The following CBX5 variants were observed in gnomAD, a reference collection of about 807,000 sequenced individuals.
The protein encoded by CBX5 is chromobox protein homolog 5.
Under a neutral mutation model 20.7 loss-of-function variants are expected in CBX5, and 7 were observed. The observed-to-expected ratio is 0.34, with a 90% confidence interval of 0.19 to 0.63. CBX5 has a LOEUF of 0.63. CBX5 is among the 30% of genes least tolerant of loss of function. The pLI is 0.75. For missense variants in CBX5, 110 were observed against 224.1 expected, an observed-to-expected ratio of 0.49 and a Z score of 3.25; for synonymous variants, 78 against 77.0, an observed-to-expected ratio of 1.01 and a Z score of -0.07.
rs1592153280 is a variant in CBX5, at chr12:54,241,696, G to A, written c.*59C>T. On this transcript the variant is annotated 3_prime_UTR_variant, in exon 5 of 5. Coordinates refer to ENST00000209875, the MANE Select transcript of CBX5 (RefSeq NM_012117.3). The stretch of plus-strand genomic sequence containing the variant: ...TAGAAAGGGGTGGGTAGAAAGGAGA[G>A]GAGGCAGGGAGGTGAATGTATTATG... 1 of 1,506,376 alleles carries A rather than the reference G, an allele frequency of 6.6e-7. No individual in the cohort carries two copies. Among genetic ancestry groups the A allele is most frequent in the Non-Finnish European group, 9.0e-7 (1 of 1,109,984 alleles). 93.3% of individuals were successfully genotyped at this position (1,506,376 alleles called of 1,614,324 possible).
intron 1 of CBX5, among the ~76,000 whole-genome samples, chr12:54,261,920 AAATATGTCAGGGCTG>A (rs1488257714): frequency 6.6e-6 from 1 of 152,234 alleles, no homozygotes; most frequent in Non-Finnish European, 1.5e-5. Flanking sequence ...CCTTCTGTAA[AAATATGTCAGGGCTG>A]AATACAACAG....
At chr12:54,274,156 G>A (rs1391743719) in intron 1 of CBX5, 1 of 152,188 alleles carries the variant, frequency 6.6e-6, no homozygotes, top group African/African-American at 2.4e-5. Context: ...ACTAAACATA[G>A]GCAGCAGTTG....
chr12:54,251,362 C>A (rs1208799686), intron 3 of CBX5, among the ~76,000 whole-genome samples: 2 of 149,448 alleles, frequency 1.3e-5, no homozygotes, highest in South Asian at 2.1e-4. Flanking sequence ...ACTAAAAATA[C>A]AAAAAAATTA....
chr12:54,248,691 A>G (rs118191611), intron 3 of CBX5, among the ~76,000 whole-genome samples: 2,723 of 152,330 alleles, frequency 0.018, 55 homozygotes, highest in Non-Finnish European at 0.031. Context: ...TTTGCTACAT[A>G]GGGAGGGAAG....
chr12:54,241,544 A>G lies in CBX5; in HGVS notation c.*211T>C. 2 of 533,692 alleles carry G rather than the reference A, an allele frequency of 3.7e-6. No individual in the cohort carries two copies. The highest frequency in any genetic ancestry group is 6.5e-6 in the Non-Finnish European group (2 of 306,414). The allele number at this position is 533,692 out of a possible 1,614,324, so 33.1% of individuals were successfully genotyped here. On this transcript the variant is annotated 3_prime_UTR_variant, in exon 5 of 5. Coordinates refer to ENST00000209875, the MANE Select transcript of CBX5 (RefSeq NM_012117.3). ...TGTGGGTATTACACTCAGTATGTAA[A>G]TGCCTGGTCTTCACAGAGAGACACT...
rs1943873205 is a variant in CBX5 at position 54,257,555 on chromosome 12, C to T, written c.96G>A (p.Lys32=). The T allele has an allele frequency of 6.2e-7, 1 of 1,614,096 alleles. No individual in the cohort carries two copies. The highest frequency in any genetic ancestry group is 2.2e-5 in the East Asian group (1 of 44,890). ...VEKVLDRRVV[K]GQVEYLLKWK... ...ACTTCAGTAGATATTCCACTTGTCC[C>T]TTAACCACGCGCCTGTCTAGCACCT... Residue 32 remains lysine, a synonymous_variant, in exon 2 of 5, where the codon AAG becomes AAA. Transcript: ENST00000209875.
chr12:54,275,520 C>T (rs1944055526), intron 1 of CBX5, among the ~76,000 whole-genome samples: 1 of 151,696 alleles, frequency 6.6e-6, no homozygotes, highest in Admixed American at 6.6e-5. Flanking sequence ...GGATTACAGG[C>T]ATAAGCCACT....
intron 2 of CBX5, among the ~76,000 whole-genome samples, chr12:54,257,103 C>A (rs1943868722): frequency 6.6e-6 from 1 of 152,084 alleles, no homozygotes; most frequent in Non-Finnish European, 1.5e-5. Flanking sequence ...GGTGATCCAC[C>A]CGCCTCAGCC....
In CBX5 at chr12:54,250,082, C is replaced by T. The variant is rs529480601; in HGVS notation, c.324+1959G>A. ...TACTAAAAATACAAAATTAGCTGGG[C>T]ATGGTGGTGCATGTCTGTAATCCCA... On this transcript the variant is annotated intron_variant, in intron 3 of 4. Coordinates refer to ENST00000209875, the MANE Select transcript of CBX5 (RefSeq NM_012117.3). Among the ~76,000 whole-genome samples the T allele has an allele frequency of 2.6e-5, 4 of 152,024 alleles. No homozygotes were observed. The South Asian group carries it at 8.3e-4, about 32-fold the overall frequency.
intron 1 of CBX5, among the ~76,000 whole-genome samples, chr12:54,265,910 G>A (rs2137027489): frequency 6.6e-6 from 1 of 152,146 alleles, no homozygotes; most frequent in Non-Finnish European, 1.5e-5. Flanking sequence ...AGCCAGGTAA[G>A]GCGGTGCACG....
chr12:54,242,757 C>T (rs1399573482), intron 4 of CBX5, among the ~76,000 whole-genome samples: 2 of 151,752 alleles, frequency 1.3e-5, no homozygotes, highest in African/African-American at 4.8e-5. Context: ...CCTCTAATAC[C>T]AAGTATAACA....
At chr12:54,256,522 T>C (rs1225578097) in intron 2 of CBX5, among the ~76,000 whole-genome samples, 1 of 152,176 alleles carries the variant, frequency 6.6e-6, no homozygotes, top group African/African-American at 2.4e-5. Context: ...ACTGTATCTT[T>C]TAGTGTATTT....
chr12:54,254,085 T>A (rs956184881), intron 2 of CBX5, among the ~76,000 whole-genome samples: 3 of 152,066 alleles, frequency 2.0e-5, no homozygotes, highest in Non-Finnish European at 4.4e-5. Flanking sequence ...AATGTTATGG[T>A]GTTTAAATAA....
chr12:54,245,666 C>T (rs543842527), intron 4 of CBX5, among the ~76,000 whole-genome samples: 32 of 152,274 alleles, frequency 2.1e-4, no homozygotes, highest in African/African-American at 7.2e-4. Flanking sequence ...TGGCACATGC[C>T]TGTAATCCCA....
intron 3 of CBX5, among the ~76,000 whole-genome samples, chr12:54,246,839 C>G (rs1475788357): frequency 2.0e-5 from 3 of 151,096 alleles, no homozygotes; most frequent in Non-Finnish European, 4.4e-5. Context: ...GAGTCAACAT[C>G]TAGGAACTCC....
rs1334058180 is a variant in CBX5 at position 54,234,078 on chromosome 12, G to A, written c.*7677C>T. 1.3e-5 allele frequency: 2 copies of A among 150,984 alleles called. No homozygotes were observed. The highest frequency in any genetic ancestry group is 1.3e-4 in the Admixed American group (2 of 15,046). 9.4% of individuals were successfully genotyped at this position (150,984 alleles called of 1,614,324 possible). A position where few individuals can be genotyped will look rare whatever the true frequency, so the allele number is the denominator to read the frequency against. The stretch of plus-strand genomic sequence containing the variant: ...GCCTATAATCCCAGCTGCTCAGGAG[G>A]CTGAGGCAGAGAACTGCTTGAACCC... On this transcript the variant is annotated 3_prime_UTR_variant, in exon 5 of 5. Coordinates refer to ENST00000209875, the MANE Select transcript of CBX5 (RefSeq NM_012117.3).
chr12:54,268,353 C>A (rs1259254477), intron 1 of CBX5, among the ~76,000 whole-genome samples: 2 of 152,096 alleles, frequency 1.3e-5, no homozygotes, highest in Non-Finnish European at 2.9e-5. Context: ...AGTTACTATG[C>A]CACAATATCA....
At chr12:54,262,573 T>C (rs1413557078) in intron 1 of CBX5, 1 of 152,820 alleles carries the variant, frequency 6.5e-6, no homozygotes, top group Non-Finnish European at 1.5e-5. Context: ...ATAGTTCTGA[T>C]GGAATGTGTC....
chr12:54,277,262 G>A (rs1944078691), intron 1 of CBX5: 2 of 152,264 alleles, frequency 1.3e-5, no homozygotes, highest in African/African-American at 4.8e-5. Flanking sequence ...GGAGTGCAGT[G>A]GCGCAATCTC....
Sources: gnomAD v4.1 joint callset for allele counts (sites outside exome capture counted in the v4.1 genomes callset) on GRCh38, gnomAD v4.1.1 for gene constraint, MANE v1.5 for transcripts, NCBI Gene and HGNC (gene_info 2026-07-23, HGNC 2026-07-21) for gene names.